CSF2RB: variants seen among roughly 807,000 people sequenced by gnomAD.
CSF2RB encodes colony stimulating factor 2 receptor subunit beta, also known as cytokine receptor common subunit beta.
CSF2RB carries 22 observed loss-of-function variants against 67.2 expected under a neutral mutation model. That is an observed-to-expected ratio of 0.33 (90% CI 0.23 to 0.47). The LOEUF (loss-of-function observed/expected upper bound fraction) is 0.47. CSF2RB is among the 20% of genes least tolerant of loss of function. The pLI, the probability that CSF2RB is intolerant of heterozygous loss-of-function variation, is 1.00. For missense variants in CSF2RB, 1,113 were observed against 1,174.5 expected (o/e 0.95, Z 0.76); for synonymous variants, 507 against 482.9 (o/e 1.05, Z -0.65).
chr22:36,923,893 C>A (rs1055306967), intron 3 of CSF2RB: 1 of 841,002 alleles, frequency 1.2e-6, no homozygotes, highest in Non-Finnish European at 1.7e-6. Context: ...GGGGGCTCCG[C>A]GCTCTCCCAG....
intron 3 of CSF2RB, chr22:36,923,885 GGGCTC>G: frequency 8.7e-6 from 8 of 917,880 alleles, no homozygotes; most frequent in South Asian, 1.4e-5. Flanking sequence ...GTCTGGGAGG[GGGCTC>G]CGCGCTCTCC....
intron 3 of CSF2RB, among the ~76,000 whole-genome samples, chr22:36,925,429 AC>A (rs1940990846): frequency 1.3e-5 from 2 of 152,174 alleles, no homozygotes; most frequent in South Asian, 4.1e-4. Flanking sequence ...ATCAAAATCT[AC>A]AACACCTCTG....
chr22:36,921,670 G>T (rs1180381316), intron 1 of CSF2RB, among the ~76,000 whole-genome samples: 1 of 152,138 alleles, frequency 6.6e-6, no homozygotes, highest in African/African-American at 2.4e-5. Context: ...AGCAGGGGTG[G>T]GGAGAGCACA....
chr22:36,924,238 G>A (rs1330736281), intron 3 of CSF2RB, among the ~76,000 whole-genome samples: 2 of 151,894 alleles, frequency 1.3e-5, no homozygotes, highest in African/African-American at 4.8e-5. Flanking sequence ...GGGGACCAGG[G>A]AGAAGCTCCC....
At position 36,923,554 on chromosome 22, in the gene CSF2RB, C is replaced by G. The variant is rs764456377; in HGVS notation, c.200+187C>G. Among the ~76,000 whole-genome samples the G allele has an allele frequency of 3.9e-5, 6 of 152,312 alleles. No homozygotes were observed. In the South Asian group the frequency reaches 6.2e-4, roughly 16 times the overall value. ...AGGCACCTGCGAGGCCGGGTGCTGC[C>G]GTCTGACCTGGGGTTTCTGCGGAGT... On this transcript the variant is annotated intron_variant, in intron 3 of 13. Transcript: ENST00000403662.
chr22:36,919,330 A>G (rs920534516), intron 1 of CSF2RB, among the ~76,000 whole-genome samples: 10 of 151,878 alleles, frequency 6.6e-5, no homozygotes, highest in Non-Finnish European at 1.3e-4. Flanking sequence ...CTCCTTGACT[A>G]TTTGCTCTAT....
Position 36,923,230 on chromosome 22 carries a change from A to ACCCCTC in CSF2RB, c.77-13_77-8dup. Reference sequence around the variant, plus strand: ...CAGGAAAGAGAGGTGACCCCCTTCTACCCCTCTTGTCAGAAACCATCCCGC... The same window carrying ACCCCTC: ...CAGGAAAGAGAGGTGACCCCCTTCTACCCCTCCCCCTCTTGTCAGAAACCATCCCGC... On this transcript the variant is annotated splice_polypyrimidine_tract_variant and intron_variant, in intron 2 of 13. Transcript: ENST00000403662. The ACCCCTC allele has an allele frequency of 5.6e-6, 9 of 1,613,804 alleles. No homozygotes were observed. Among genetic ancestry groups the ACCCCTC allele is most frequent in the African/African-American group, 1.3e-5 (1 of 74,934 alleles).
Position 36,937,542 on chromosome 22 carries a change from C to T in CSF2RB, c.1734C>T (p.His578=), listed in dbSNP as rs1941294933. 6.2e-7 allele frequency: 1 copy of T among 1,613,784 alleles called. No homozygotes were observed. The highest frequency in any genetic ancestry group is 8.5e-7 in the Non-Finnish European group (1 of 1,179,852). Residue 578 remains histidine, a synonymous_variant, in exon 14 of 14, where the codon CAC becomes CAT. Transcript: ENST00000403662. This position sits in a 1 kb window ranked among gnomAD's most constrained non-coding sequence, Gnocchi z 4.6. ...AGCCAGGCCCGCCTGCCGCCTCCCA[C>T]ACACCTGAGAAACAGGCTTCCAGCT... ...SPQPGPPAAS[H]TPEKQASSFD...
In CSF2RB at chr22:36,938,214, T is replaced by A; in HGVS notation, c.2406T>A (p.Asp802Glu). 6.2e-7 allele frequency: 1 copy of A among 1,614,072 alleles called. No homozygotes were observed. Among genetic ancestry groups the A allele is most frequent in the Non-Finnish European group, 8.5e-7 (1 of 1,179,968 alleles). The change falls in exon 14 of 14, where the codon GAT becomes GAA. Residue 802 changes from aspartate to glutamate, a missense_variant. Around this residue, in one of 2 missense-constraint regions of CSF2RB, gnomAD observed 554 missense variants for 517.9 expected, o/e 1.07. Coordinates refer to ENST00000403662, the MANE Select transcript of CSF2RB (RefSeq NM_000395.3). Reference sequence around the variant, plus strand: ...TGAACCCAGGGGAACGCCCGGCAGATGTGTCCCCAACATCCCCACAGCCCG... The same window carrying A: ...TGAACCCAGGGGAACGCCCGGCAGAAGTGTCCCCAACATCCCCACAGCCCG... ...PVLNPGERPA[D>E]VSPTSPQPEG...
intron 8 of CSF2RB, 83 bp from the exon 9 acceptor site, chr22:36,932,682 C>T (rs987218003): frequency 6.6e-6 from 10 of 1,519,664 alleles, no homozygotes; most frequent in Non-Finnish European, 8.9e-6. Flanking sequence ...GTGGAGACAG[C>T]CCCAGTGTCT....
At chr22:36,918,364 T>G (rs1238080621) in intron 1 of CSF2RB, among the ~76,000 whole-genome samples, 1 of 152,226 alleles carries the variant, frequency 6.6e-6, no homozygotes, top group African/African-American at 2.4e-5. Context: ...CAGAGTCTCT[T>G]ATGTGAAATC....
intron 9 of CSF2RB, among the ~76,000 whole-genome samples, 178 bp downstream of exon 9, chr22:36,933,082 G>A (rs1941189492): frequency 6.6e-6 from 1 of 152,232 alleles, no homozygotes; most frequent in Non-Finnish European, 1.5e-5. Context: ...CTGTCTCTTG[G>A]TGAAGTAACT....
rs573796319 is a variant in CSF2RB, at chr22:36,921,478, T to C, written c.-172-558T>C. ...GTGTCCGTGTGCTTGTGTGTGTGTG[T>C]GTGTTTGCATGGGCATCTTGAGTGA... On this transcript the variant is annotated intron_variant, in intron 1 of 13. Coordinates refer to ENST00000403662, the MANE Select transcript of CSF2RB (RefSeq NM_000395.3). 1.4e-3 allele frequency among the ~76,000 whole-genome samples: 207 copies of C among 152,236 alleles called. 1 individual carries two copies. The highest frequency in any genetic ancestry group is 2.6e-3 in the Non-Finnish European group (177 of 68,018).
chr22:36,935,660 C>T lies in CSF2RB; in HGVS notation c.1437C>T (p.Pro479=). ...RLRRKWEEKI[P]NPSKSHLFQN... is the part of the protein sequence containing the mutation. Reference sequence around the variant, plus strand: ...GCAGAAAGTGGGAGGAGAAGATCCCCAACCCCAGCAAGAGCCACCTGTTCC... The same window carrying T: ...GCAGAAAGTGGGAGGAGAAGATCCCTAACCCCAGCAAGAGCCACCTGTTCC... Residue 479 remains proline (P), a synonymous_variant, in exon 12 of 14, where the codon CCC becomes CCT. Transcript: ENST00000403662. 1 of 1,614,182 alleles carries T rather than the reference C, an allele frequency of 6.2e-7. No homozygotes were observed. Among genetic ancestry groups the T allele is most frequent in the South Asian group, 1.1e-5 (1 of 91,078 alleles).
chr22:36,933,455 A>G (rs1223371743), intron 9 of CSF2RB, among the ~76,000 whole-genome samples: 2 of 152,040 alleles, frequency 1.3e-5, no homozygotes, highest in Non-Finnish European at 2.9e-5. Context: ...GGGGTCCTGA[A>G]CCCCCATTCT....
chr22:36,924,677 G>A (rs1448301165), intron 3 of CSF2RB, among the ~76,000 whole-genome samples: 3 of 152,166 alleles, frequency 2.0e-5, no homozygotes, highest in South Asian at 2.1e-4. Context: ...GTCAGCAAAT[G>A]TCCCAGGGAG....
intron 4 of CSF2RB, among the ~76,000 whole-genome samples, chr22:36,928,828 G>T (rs553677036): frequency 6.6e-6 from 1 of 152,202 alleles, no homozygotes; most frequent in South Asian, 2.1e-4. Flanking sequence ...CACACCTTAG[G>T]GGAGGCAGAC....
Position 36,925,598 on chromosome 22 carries a change from A to T in CSF2RB, c.201-389A>T, listed in dbSNP as rs116795440. ...ACTCTGCCTGTCCCAGGGCCTTTGCACGTGCTGTTCCCATTTCCTGAAATC... is the reference window on the plus strand; with the variant it reads ...ACTCTGCCTGTCCCAGGGCCTTTGCTCGTGCTGTTCCCATTTCCTGAAATC... On this transcript the variant is annotated intron_variant, in intron 3 of 13. Coordinates refer to ENST00000403662, the MANE Select transcript of CSF2RB (RefSeq NM_000395.3). Among the ~76,000 whole-genome samples the T allele has an allele frequency of 3.3e-3, 507 of 152,244 alleles. 1 individual carries two copies. Among genetic ancestry groups the T allele is most frequent in the African/African-American group, 0.012 (491 of 41,538 alleles).
chr22:36,933,802 C>A, intron 9 of CSF2RB, 30 bp from the exon 10 acceptor site: 2 of 1,593,242 alleles, frequency 1.3e-6, no homozygotes, highest in South Asian at 1.1e-5. Context: ...GGGCACCGGG[C>A]CAGGCCTCAC....
Sources: allele counts gnomAD v4.1 joint callset (sites outside exome capture counted in the v4.1 genomes callset), GRCh38; gene constraint gnomAD v4.1.1; regional missense constraint gnomAD v4.1.1; non-coding constraint Gnocchi (gnomAD v3.1); transcripts MANE v1.5; gene names NCBI Gene and HGNC (gene_info 2026-07-23, HGNC 2026-07-21).